The following PDZD2 variants were observed in gnomAD, a reference collection of about 807,000 sequenced individuals.
The protein encoded by PDZD2 is PDZ domain containing 2, also known as PDZ domain-containing protein 2.
Under a neutral mutation model 220.7 loss-of-function variants are expected in PDZD2, and 90 were observed. The ratio of observed to expected loss-of-function variants is 0.41; its 90% confidence interval spans 0.34 to 0.49. The LOEUF (loss-of-function observed/expected upper bound fraction) is 0.49, where lower values mean the gene tolerates loss of function less well. PDZD2 is among the 20% of genes least tolerant of loss of function. PDZD2 has a pLI of 0.28. For synonymous variants in PDZD2, 1,375 were observed against 1,450.5 expected, an observed-to-expected ratio of 0.95 and a Z score of 1.18; for missense variants, 3,174 against 3,608.5, an observed-to-expected ratio of 0.88 and a Z score of 3.08.
chr5:32,028,293 C>G (rs1047542332), intron 6 of PDZD2, among the ~76,000 whole-genome samples: 1 of 152,148 alleles, frequency 6.6e-6, no homozygotes, highest in Non-Finnish European at 1.5e-5. Context: ...GAAACAGTTA[C>G]AGGATATTTC....
chr5:31,973,134 A>G (rs1749453851), intron 2 of PDZD2, among the ~76,000 whole-genome samples: 1 of 152,198 alleles, frequency 6.6e-6, no homozygotes, highest in Non-Finnish European at 1.5e-5. Context: ...TTATTGATTC[A>G]TAAAGAAAGG....
rs756258188 is a variant in PDZD2, at chr5:32,088,550, G to A, written c.5102G>A (p.Ser1701Asn). The A allele has an allele frequency of 1.2e-6, 2 of 1,614,066 alleles. No individual in the cohort carries two copies. The highest frequency in any genetic ancestry group is 1.7e-6 in the Non-Finnish European group (2 of 1,179,968). The change falls in exon 20 of 25, where the codon AGC (serine) becomes AAC (asparagine). Residue 1701 changes from serine to asparagine, a missense_variant. Transcript: ENST00000438447. The surrounding 1 kb of genome is among the most constrained non-coding windows in gnomAD (Gnocchi z 4.6). ...GCAGAAGAAACCACAGAAGTCACCA[G>A]CGCTAGCTCAGCCATGGAAAACAGT... ...SCAEETTEVT[S>N]ASSAMENSPL...
At chr5:31,662,710 T>A (rs29756) in intron 1 of PDZD2, among the ~76,000 whole-genome samples, 41,121 of 152,122 alleles carry the variant, frequency 0.27, 6,631 homozygotes, top group East Asian at 0.46. Context: ...GCTCACTGCA[T>A]GCTCCGCCTC....
chr5:31,988,696 C>T (rs1231228741), intron 3 of PDZD2, among the ~76,000 whole-genome samples: 1 of 151,392 alleles, frequency 6.6e-6, no homozygotes, highest in African/African-American at 2.5e-5. Context: ...TGGAAGCTAT[C>T]CCTGATATCC....
At chr5:31,667,609 AGC>A (rs1746045142) in intron 1 of PDZD2, among the ~76,000 whole-genome samples, 1 of 152,046 alleles carries the variant, frequency 6.6e-6, no homozygotes, top group Non-Finnish European at 1.5e-5. Flanking sequence ...AAGAAGGAAC[AGC>A]CAGTGCAAGG....
intron 24 of PDZD2, among the ~76,000 whole-genome samples, chr5:32,102,414 G>A (rs1275079982): frequency 2.0e-5 from 3 of 151,748 alleles, no homozygotes; most frequent in Non-Finnish European, 2.9e-5. Flanking sequence ...ACAGGTCTGC[G>A]TTACTCGAGT....
chr5:32,097,522 GAGA>G (rs1743836253), intron 22 of PDZD2, 142 bp downstream of exon 22: 2 of 666,896 alleles, frequency 3.0e-6, no homozygotes, highest in Non-Finnish European at 5.4e-6. Context: ...GGAGAAGTGG[GAGA>G]AGTAGTACGT....
intron 1 of PDZD2, among the ~76,000 whole-genome samples, chr5:31,741,118 C>T (rs967208202): frequency 2.0e-5 from 3 of 152,064 alleles, no homozygotes; most frequent in African/African-American, 7.2e-5. Context: ...ATATACATCT[C>T]CCATGTACTT....
At chr5:31,819,634 G>C (rs1231071596) in intron 2 of PDZD2, among the ~76,000 whole-genome samples, 2 of 134,036 alleles carry the variant, frequency 1.5e-5, no homozygotes, top group African/African-American at 5.8e-5. Context: ...TCCAGCCTGG[G>C]GGACAGAGCA....
intron 7 of PDZD2, among the ~76,000 whole-genome samples, chr5:32,042,571 TAAAAAG>T (rs1178630979): frequency 6.6e-6 from 1 of 151,858 alleles, no homozygotes; most frequent in Non-Finnish European, 1.5e-5. Context: ...GACTCCATCT[TAAAAAG>T]AAAAAGAAAA....
intron 2 of PDZD2, among the ~76,000 whole-genome samples, chr5:31,914,509 CAG>C (rs1255125792): frequency 2.6e-5 from 4 of 152,154 alleles, no homozygotes; most frequent in Non-Finnish European, 4.4e-5. Context: ...GCCTGGGTGA[CAG>C]AGTGAGACTC....
intron 1 of PDZD2, among the ~76,000 whole-genome samples, chr5:31,739,267 C>T (rs1580659787): frequency 6.6e-6 from 1 of 152,282 alleles, no homozygotes; most frequent in South Asian, 2.1e-4. Context: ...TCTCAAAATG[C>T]ATGCCCTGTC....
Position 32,059,293 on chromosome 5 carries a change from C to T in PDZD2, c.2255C>T (p.Pro752Leu). 1.2e-6 allele frequency: 2 copies of T among 1,613,700 alleles called. No homozygotes were observed. The highest frequency in any genetic ancestry group is 1.7e-6 in the Non-Finnish European group (2 of 1,179,626). Residue 752 changes from proline (P) to leucine (L), a missense_variant, in exon 13 of 25, where the codon CCT becomes CTT. Transcript: ENST00000438447. ...TGCTGCTTGGCTCTGGAAAACAGTC[C>T]TCCTGGCATCTACATTCACAGCCTT... ...GACCLALENS[P>L]PGIYIHSLAP...
At chr5:32,030,932 C>T (rs1755066960) in intron 6 of PDZD2, among the ~76,000 whole-genome samples, 1 of 152,176 alleles carries the variant, frequency 6.6e-6, no homozygotes, top group South Asian at 2.1e-4. Flanking sequence ...TTAGAATTTA[C>T]TGAGGATTTT....
intron 1 of PDZD2, among the ~76,000 whole-genome samples, chr5:31,662,161 A>G (rs1362518789): frequency 6.6e-6 from 1 of 151,768 alleles, no homozygotes; most frequent in Non-Finnish European, 1.5e-5. Context: ...AAATACAAAA[A>G]TTAGCTGGGC....
intron 2 of PDZD2, among the ~76,000 whole-genome samples, chr5:31,812,011 TAAA>T (rs1220346132): frequency 6.7e-6 from 1 of 148,230 alleles, no homozygotes; most frequent in Non-Finnish European, 1.5e-5. Flanking sequence ...AATAAATAAA[TAAA>T]TAAATAAATA....
At chr5:31,733,936 C>G (rs914978140) in intron 1 of PDZD2, among the ~76,000 whole-genome samples, 1 of 152,178 alleles carries the variant, frequency 6.6e-6, no homozygotes, top group Non-Finnish European at 1.5e-5. Context: ...CCTGGAGTTA[C>G]CATCAGACCT....
chr5:31,957,399 G>A (rs1747810066), intron 2 of PDZD2, among the ~76,000 whole-genome samples: 1 of 152,168 alleles, frequency 6.6e-6, no homozygotes, highest in Admixed American at 6.5e-5. Context: ...ACCAGTGCCT[G>A]GGGTGTTACG....
At chr5:31,809,803 C>T (rs1377965692) in intron 2 of PDZD2, among the ~76,000 whole-genome samples, 1 of 152,106 alleles carries the variant, frequency 6.6e-6, no homozygotes, top group Non-Finnish European at 1.5e-5. Flanking sequence ...ATAAAAAGAG[C>T]GACTTTCCAT....
Sources: allele counts gnomAD v4.1 joint callset (sites outside exome capture counted in the v4.1 genomes callset), GRCh38; gene constraint gnomAD v4.1.1; non-coding constraint Gnocchi (gnomAD v3.1); transcripts MANE v1.5; gene names NCBI Gene and HGNC (gene_info 2026-07-23, HGNC 2026-07-21).